Variants in SPAG16 observed in about 807,000 individuals in gnomAD.
SPAG16 encodes the protein sperm associated antigen 16.
In SPAG16, 86 loss-of-function variants were observed where a neutral mutation model predicts 80.4. The ratio of observed to expected loss-of-function variants is 1.07; its 90% CI spans 0.90 to 1.28. The LOEUF is 1.28. SPAG16 is among the 50% of genes most tolerant of loss of function. SPAG16 has a pLI of 0.00. For synonymous variants in SPAG16, 294 were observed against 265.9 expected (o/e 1.11, Z -1.03); for missense variants, 870 against 765.3 (o/e 1.14, Z -1.61).
chr2:214,161,652 A>C (rs114070468), intron 15 of SPAG16, among the ~76,000 whole-genome samples: 2 of 151,896 alleles, frequency 1.3e-5, no homozygotes, highest in African/African-American at 4.8e-5. Context: ...AGGGAGGGGA[A>C]TAACACACAC....
chr2:213,926,459 G>A (rs1343324935), intron 11 of SPAG16, among the ~76,000 whole-genome samples: 1 of 151,850 alleles, frequency 6.6e-6, no homozygotes, highest in Non-Finnish European at 1.5e-5. Flanking sequence ...CAGCCTCGTA[G>A]CTTAACTCCC....
intron 15 of SPAG16, among the ~76,000 whole-genome samples, chr2:214,379,089 A>C (rs1700300003): frequency 6.6e-6 from 1 of 152,168 alleles, no homozygotes; most frequent in Non-Finnish European, 1.5e-5. Context: ...CCTCTTGTGA[A>C]TTATCCCTAA....
chr2:213,559,247 G>C (rs1396626952), intron 10 of SPAG16, among the ~76,000 whole-genome samples: 1 of 152,120 alleles, frequency 6.6e-6, no homozygotes, highest in Non-Finnish European at 1.5e-5. Context: ...ATTCCAAACG[G>C]AGTGGCAGTG....
At chr2:213,431,229 A>G (rs1334394686) in intron 9 of SPAG16, among the ~76,000 whole-genome samples, 2 of 151,950 alleles carry the variant, frequency 1.3e-5, no homozygotes, top group South Asian at 2.1e-4. Context: ...AACGGAGGGG[A>G]AAAAAAAGAA....
At chr2:213,981,249 A>T (rs2045730850) in intron 12 of SPAG16, among the ~76,000 whole-genome samples, 1 of 152,176 alleles carries the variant, frequency 6.6e-6, no homozygotes, top group Admixed American at 6.6e-5. Flanking sequence ...AACTCTAATC[A>T]ATTCCTTATT....
At chr2:214,108,305 A>C in intron 14 of SPAG16, 44 bp downstream of exon 14, 1 of 1,444,246 alleles carries the variant, frequency 6.9e-7, no homozygotes, top group Non-Finnish European at 9.6e-7. Flanking sequence ...TGCTTCATAT[A>C]TACAAATTCA....
chr2:213,376,490 G>T (rs920994904), intron 9 of SPAG16, among the ~76,000 whole-genome samples: 1 of 152,012 alleles, frequency 6.6e-6, no homozygotes, highest in South Asian at 2.1e-4. Context: ...AAGGGCTAAA[G>T]TGTAAAATAA....
At chr2:214,026,058 A>G (rs776494781) in intron 13 of SPAG16, among the ~76,000 whole-genome samples, 17 of 151,512 alleles carry the variant, frequency 1.1e-4, no homozygotes, top group Non-Finnish European at 1.3e-4. Flanking sequence ...ATAGAAAATA[A>G]TAAAGATTAA....
At chr2:214,116,320 C>G in intron 14 of SPAG16, among the ~76,000 whole-genome samples, 1 of 152,224 alleles carries the variant, frequency 6.6e-6, no homozygotes, top group Admixed American at 6.5e-5. Context: ...TACAAGGATA[C>G]AGAAGGAGAC....
intron 15 of SPAG16, among the ~76,000 whole-genome samples, chr2:214,234,343 G>C (rs1688927812): frequency 6.6e-6 from 1 of 152,080 alleles, no homozygotes; most frequent in Non-Finnish European, 1.5e-5. Context: ...GTGCTGCAAT[G>C]AACATAGGAG....
intron 9 of SPAG16, among the ~76,000 whole-genome samples, chr2:213,440,556 AAACAACAACAACAACAAC>A (rs368614647): frequency 1.3e-5 from 2 of 151,620 alleles, no homozygotes; most frequent in East Asian, 3.9e-4. Flanking sequence ...CTCCATCTCA[AAACAACAACAACAACAAC>A]AACAACAACA....
At chr2:214,252,642 T>G (rs113555219) in intron 15 of SPAG16, among the ~76,000 whole-genome samples, 1 of 152,186 alleles carries the variant, frequency 6.6e-6, no homozygotes, top group Non-Finnish European at 1.5e-5. Flanking sequence ...TTTTTATAGC[T>G]GCATAGTATT....
At chr2:213,851,165 C>T (rs977614924) in intron 10 of SPAG16, among the ~76,000 whole-genome samples, 9 of 152,002 alleles carry the variant, frequency 5.9e-5, no homozygotes, top group South Asian at 2.1e-4. Flanking sequence ...TTACATTGGA[C>T]GAGAAAGACC....
intron 15 of SPAG16, among the ~76,000 whole-genome samples, chr2:214,155,406 C>T (rs1195067084): frequency 1.3e-5 from 2 of 152,144 alleles, no homozygotes; most frequent in Admixed American, 6.6e-5. Flanking sequence ...AACACAACCT[C>T]GCTTATTTAT....
intron 15 of SPAG16, among the ~76,000 whole-genome samples, chr2:214,278,148 T>A (rs545674070): frequency 6.6e-6 from 1 of 152,152 alleles, no homozygotes; most frequent in East Asian, 1.9e-4. Flanking sequence ...TCCCCTGGTG[T>A]GCTGTTTGCT....
Position 213,520,403 on chromosome 2 carries a change from G to A in SPAG16, c.1070+30313G>A, listed in dbSNP as rs113957061. Among the ~76,000 whole-genome samples, 124 of 151,918 alleles carry A rather than the reference G, an allele frequency of 8.2e-4. 2 individuals carry two copies. Among genetic ancestry groups the A allele is most frequent in the Middle Eastern group, 3.4e-3 (1 of 292 alleles). On this transcript the variant is annotated intron_variant, in intron 10 of 15. Coordinates refer to ENST00000331683, the MANE Select transcript of SPAG16 (RefSeq NM_024532.5). ...AGATTGAGACCATCCTGGCTAACAC[G>A]GTGAAACCCCGTCTCTACTAAAAAT...
intron 10 of SPAG16, among the ~76,000 whole-genome samples, chr2:213,807,026 C>A (rs1324917154): frequency 6.6e-6 from 1 of 152,130 alleles, no homozygotes; most frequent in Non-Finnish European, 1.5e-5. Flanking sequence ...AAAAAATCTA[C>A]TTCCTTACAT....
chr2:214,229,236 C>T (rs893630750), intron 15 of SPAG16, among the ~76,000 whole-genome samples: 11 of 151,288 alleles, frequency 7.3e-5, no homozygotes, highest in South Asian at 2.1e-4. Flanking sequence ...ATAGGAAAAA[C>T]GCTTCTTCTG....
At chr2:213,906,411 G>A (rs868024609) in intron 11 of SPAG16, among the ~76,000 whole-genome samples, 4 of 152,098 alleles carry the variant, frequency 2.6e-5, no homozygotes, top group South Asian at 4.1e-4. Flanking sequence ...TGGATGGGAA[G>A]AATTAATATT....
Sources: gnomAD v4.1 joint callset for allele counts (sites outside exome capture counted in the v4.1 genomes callset) on GRCh38, gnomAD v4.1.1 for gene constraint, MANE v1.5 for transcripts, NCBI Gene and HGNC (gene_info 2026-07-23, HGNC 2026-07-21) for gene names.